TMEM232: variants seen among roughly 807,000 people sequenced by gnomAD.
TMEM232 encodes transmembrane protein 232.
Under a neutral mutation model 78.8 loss-of-function variants are expected in TMEM232, and 80 were observed. That is an observed-to-expected ratio of 1.01 (90% CI 0.85 to 1.22). TMEM232 has a LOEUF of 1.22. Among genes scored for constraint, TMEM232 ranks in the 50% most tolerant of loss-of-function variants. The pLI, the probability that TMEM232 is intolerant of heterozygous loss-of-function variation, is 0.00. For missense variants in TMEM232, 881 were observed against 742.2 expected, an observed-to-expected ratio of 1.19 and a Z score of -2.17; for synonymous variants, 297 against 254.3, an observed-to-expected ratio of 1.17 and a Z score of -1.60.
intron 2 of TMEM232, among the ~76,000 whole-genome samples, chr5:110,410,626 T>C (rs1442989551): frequency 6.6e-6 from 1 of 152,198 alleles, no homozygotes; most frequent in African/African-American, 2.4e-5. Flanking sequence ...CTCATATTCC[T>C]TTCCAATAAC....
At chr5:110,555,727 A>G (rs1774998779) in intron 11 of TMEM232, among the ~76,000 whole-genome samples, 1 of 152,152 alleles carries the variant, frequency 6.6e-6, no homozygotes, top group East Asian at 1.9e-4. Context: ...TTCTTGTTGA[A>G]TTGATCCCTT....
chr5:110,405,954 A>C (rs1185404824), intron 2 of TMEM232, among the ~76,000 whole-genome samples: 1 of 151,964 alleles, frequency 6.6e-6, no homozygotes, highest in African/African-American at 2.4e-5. Context: ...AAGAAGAAAA[A>C]CACACATAGG....
At chr5:110,576,362 C>G (rs1777574141) in intron 10 of TMEM232, among the ~76,000 whole-genome samples, 2 of 152,010 alleles carry the variant, frequency 1.3e-5, no homozygotes, top group Non-Finnish European at 2.9e-5. Flanking sequence ...GAACTACAAA[C>G]CACTGCTCAA....
intron 5 of TMEM232, among the ~76,000 whole-genome samples, chr5:110,628,655 A>C (rs929821893): frequency 7.0e-5 from 10 of 142,492 alleles, no homozygotes; most frequent in South Asian, 2.2e-4. Context: ...AATAGCTGTC[A>C]GTATCCAGTG....
At chr5:110,414,821 C>A (rs17132084), downstream of TMEM232, among the ~76,000 whole-genome samples, 2,953 of 152,214 alleles carry the variant, frequency 0.019, 94 homozygotes, top group African/African-American at 0.068. Flanking sequence ...TAAATCTTCC[C>A]AATGTTCACT....
chr5:110,657,919 G>GA (rs1281913905), intron 2 of TMEM232, among the ~76,000 whole-genome samples: 2 of 151,838 alleles, frequency 1.3e-5, no homozygotes, highest in African/African-American at 2.4e-5. Flanking sequence ...CTATGAAAAG[G>GA]AAAAAAATGA....
chr5:110,707,331 A>G (rs1031793140), intron 1 of TMEM232, among the ~76,000 whole-genome samples: 1 of 152,200 alleles, frequency 6.6e-6, no homozygotes, highest in Non-Finnish European at 1.5e-5. Flanking sequence ...CAGAAAAAGA[A>G]TGTGTGTAAT....
intron 12 of TMEM232, among the ~76,000 whole-genome samples, chr5:110,431,963 G>T (rs1757906252): frequency 6.6e-6 from 1 of 151,550 alleles, no homozygotes; most frequent in African/African-American, 2.4e-5. Context: ...TAGTTCAAGG[G>T]ATAAATTTTG....
At chr5:110,414,214 A>T (rs1187555696) in intron 2 of TMEM232, among the ~76,000 whole-genome samples, 1 of 152,156 alleles carries the variant, frequency 6.6e-6, no homozygotes, top group Non-Finnish European at 1.5e-5. Flanking sequence ...TCTACCTGAA[A>T]TTATATCATA....
intron 8 of TMEM232, among the ~76,000 whole-genome samples, chr5:110,609,391 T>A (rs892206043): frequency 2.0e-5 from 3 of 152,058 alleles, no homozygotes; most frequent in Non-Finnish European, 4.4e-5. Flanking sequence ...AGAAAAAACT[T>A]TTTTTAAAAA....
In TMEM232 at chr5:110,528,817, T is replaced by G. The variant is rs923614469; in HGVS notation, c.1474A>C (p.Thr492Pro). The G allele has an allele frequency of 2.4e-5, 36 of 1,485,832 alleles. No homozygotes were observed. Among genetic ancestry groups the G allele is most frequent in the Non-Finnish European group, 3.1e-5 (35 of 1,119,682 alleles). 92.0% of individuals were successfully genotyped at this position (1,485,832 alleles called of 1,614,324 possible). A position where few individuals can be genotyped will look rare whatever the true frequency, so the allele number is the denominator to read the frequency against. ...NIAQAELNDP[T>P]DPFTRYSTNI... ...GTACTATATCTAGTGAAAGGATCAG[T>G]TGGGTCATTTAACTCAGCCTGTTGA... Residue 492 changes from threonine to proline, a missense_variant, in exon 12 of 14, where the codon ACT becomes CCT. By Grantham distance (38) the Thr-to-Pro change is conservative. Coordinates refer to ENST00000455884, the MANE Select transcript of TMEM232 (RefSeq NM_001039763.4).
chr5:110,518,764 G>T (rs1769061842), intron 12 of TMEM232, among the ~76,000 whole-genome samples: 1 of 152,126 alleles, frequency 6.6e-6, no homozygotes, highest in Admixed American at 6.5e-5. Context: ...ACACTCATAT[G>T]ATTTTGGAAC....
At chr5:110,668,432 G>A (rs1790896590) in intron 1 of TMEM232, among the ~76,000 whole-genome samples, 2 of 152,130 alleles carry the variant, frequency 1.3e-5, no homozygotes, top group Non-Finnish European at 1.5e-5. Flanking sequence ...TCATCCGCCT[G>A]TGCTACTCAT....
At chr5:110,647,427 T>A (rs1787646021) in intron 2 of TMEM232, among the ~76,000 whole-genome samples, 1 of 152,018 alleles carries the variant, frequency 6.6e-6, no homozygotes, top group South Asian at 2.1e-4. Context: ...CACTCACAAC[T>A]GTTATACCTA....
At chr5:110,731,565 A>C (rs1388700642), upstream of TMEM232, among the ~76,000 whole-genome samples, 1 of 152,156 alleles carries the variant, frequency 6.6e-6, no homozygotes, top group Non-Finnish European at 1.5e-5. Context: ...CAGGCTCAAC[A>C]CCACATGGAA....
chr5:110,527,000 A>G (rs1483914293), intron 12 of TMEM232, among the ~76,000 whole-genome samples: 4 of 151,742 alleles, frequency 2.6e-5, no homozygotes, highest in South Asian at 2.1e-4. Flanking sequence ...ATGAAGGGGG[A>G]AAAATTAAAA....
chr5:110,566,979 G>A (rs767168461), intron 11 of TMEM232, among the ~76,000 whole-genome samples: 1 of 151,876 alleles, frequency 6.6e-6, no homozygotes, highest in Non-Finnish European at 1.5e-5. Flanking sequence ...AGGAACAAAG[G>A]CATGTTTTAC....
intron 12 of TMEM232, among the ~76,000 whole-genome samples, chr5:110,460,414 A>T (rs1339813506): frequency 6.6e-6 from 1 of 152,102 alleles, no homozygotes; most frequent in African/African-American, 2.4e-5. Context: ...CTCTATAGTA[A>T]TCTCACAACT....
chr5:110,455,441 A>G (rs1760796424), intron 12 of TMEM232, among the ~76,000 whole-genome samples: 1 of 151,224 alleles, frequency 6.6e-6, no homozygotes, highest in Non-Finnish European at 1.5e-5. Context: ...GCAGTGGCGC[A>G]ATCTCGGCTC....
Sources: gnomAD v4.1 joint callset for allele counts (sites outside exome capture counted in the v4.1 genomes callset) on GRCh38, gnomAD v4.1.1 for gene constraint, MANE v1.5 for transcripts, NCBI Gene and HGNC (gene_info 2026-07-23, HGNC 2026-07-21) for gene names.